WDR76: variants seen among roughly 807,000 people sequenced by gnomAD.
WDR76 encodes the protein WD repeat domain 76, also known as WD repeat-containing protein 76.
Under a neutral mutation model 70.2 loss-of-function variants are expected in WDR76, and 52 were observed. The ratio of observed to expected loss-of-function variants is 0.74; its 90% CI spans 0.59 to 0.93. WDR76 has a LOEUF of 0.93. Ranked by LOEUF, WDR76 falls within the 40% of genes least tolerant of loss-of-function variation. The pLI, the probability that WDR76 is intolerant of heterozygous loss-of-function variation, is 0.00. For synonymous variants in WDR76, 292 were observed against 271.1 expected (o/e 1.08, Z -0.76); for missense variants, 756 against 760.2 (o/e 0.99, Z 0.07).
chr15:43,864,599 T>C (rs964761898), intron 12 of WDR76, among the ~76,000 whole-genome samples: 1 of 151,966 alleles, frequency 6.6e-6, no homozygotes, highest in East Asian at 1.9e-4. Flanking sequence ...TTATTTGTTT[T>C]CTTTTTTTTT....
intron 12 of WDR76, among the ~76,000 whole-genome samples, chr15:43,863,559 T>TA (rs68110552): frequency 3.0e-3 from 421 of 139,102 alleles, no homozygotes; most frequent in South Asian, 0.013. Flanking sequence ...CTCTCTTTTT[T>TA]AAAAAAAAAA....
chr15:43,858,031 C>G (rs2087951456), intron 10 of WDR76, among the ~76,000 whole-genome samples: 1 of 136,698 alleles, frequency 7.3e-6, no homozygotes. Context: ...CTCCCAGGTT[C>G]AAGCGATTCT....
chr15:43,857,704 C>T (rs1386134450), intron 10 of WDR76: 1 of 174,094 alleles, frequency 5.7e-6, no homozygotes, highest in Non-Finnish European at 1.1e-5. Context: ...CCTGTAATCC[C>T]AGGTACTTGG....
At chr15:43,838,112 A>G (rs773035943) in intron 4 of WDR76, among the ~76,000 whole-genome samples, 3 of 152,080 alleles carry the variant, frequency 2.0e-5, no homozygotes, top group Non-Finnish European at 4.4e-5. Context: ...TGACCTCGTG[A>G]TCCGCCTGCC....
intron 8 of WDR76, among the ~76,000 whole-genome samples, chr15:43,846,515 C>T (rs1050347663): frequency 6.7e-6 from 1 of 148,976 alleles, no homozygotes; most frequent in African/African-American, 2.4e-5. Context: ...AACTCCTGAG[C>T]TCAAGCACTC....
intron 9 of WDR76, among the ~76,000 whole-genome samples, chr15:43,853,000 T>G (rs2087881565): frequency 6.6e-6 from 1 of 152,174 alleles, no homozygotes. Context: ...GCAATTCTCC[T>G]GCCTCATCCT....
intron 2 of WDR76, among the ~76,000 whole-genome samples, chr15:43,829,302 C>T (rs999064141): frequency 6.6e-6 from 1 of 151,994 alleles, no homozygotes; most frequent in Non-Finnish European, 1.5e-5. Context: ...TAGCACATGA[C>T]ACAATGTTGA....
Position 43,842,521 on chromosome 15 carries a change from C to T in WDR76, c.834+5C>T, listed in dbSNP as rs746079722. Reference sequence around the variant, plus strand: ...ACATGGGCAGGAATGAGCAAGGTATCACTTGGGAAGGCCAATAGCCTTTAG... The same window carrying T: ...ACATGGGCAGGAATGAGCAAGGTATTACTTGGGAAGGCCAATAGCCTTTAG... On this transcript the variant is annotated splice_donor_5th_base_variant and intron_variant, in intron 6 of 12. Coordinates refer to ENST00000263795, the MANE Select transcript of WDR76 (RefSeq NM_024908.4). The T allele has an allele frequency of 6.2e-7, 1 of 1,613,100 alleles. No individual in the cohort carries two copies. The highest frequency in any genetic ancestry group is 1.3e-5 in the African/African-American group (1 of 74,892).
Position 43,866,246 on chromosome 15 carries a change from G to C in WDR76, c.1735G>C (p.Glu579Gln). The change falls in exon 13 of 13, where the codon GAG (glutamate) becomes CAG (glutamine). Residue 579 changes from glutamate to glutamine, a missense_variant. Physicochemically the swap from Glu to Gln is conservative, Grantham distance 29. Transcript: ENST00000263795. ...AHPRRVEIFH[E>Q]TGKRVHSFGG... is the part of the protein sequence containing the mutation. ...TCCACGACGGGTAGAAATCTTCCAT[G>C]AGACAGGAAAGAGGGTGCATTCGTT... 6.2e-7 allele frequency: 1 copy of C among 1,614,192 alleles called. No individual in the cohort carries two copies.
At chr15:43,831,883 G>A (rs1009745198) in intron 2 of WDR76, among the ~76,000 whole-genome samples, 1 of 151,846 alleles carries the variant, frequency 6.6e-6, no homozygotes, top group Non-Finnish European at 1.5e-5. Context: ...GCCCAGGCTG[G>A]AATGTAGTGG....
intron 8 of WDR76, among the ~76,000 whole-genome samples, chr15:43,848,357 A>AT (rs2087814496): frequency 6.6e-6 from 1 of 152,254 alleles, no homozygotes; most frequent in Non-Finnish European, 1.5e-5. Context: ...AGGAGACAGC[A>AT]TAATTTAGCT....
rs1409123377 is a variant in WDR76 at position 43,867,317 on chromosome 15, G to A, written c.*925G>A. The A allele has an allele frequency of 6.6e-6, 1 of 152,054 alleles. No homozygotes were observed. The highest frequency in any genetic ancestry group is 1.5e-5 in the Non-Finnish European group (1 of 68,016). The allele number at this position is 152,054 out of a possible 1,614,324, so 9.4% of individuals were successfully genotyped here. On this transcript the variant is annotated 3_prime_UTR_variant, in exon 13 of 13. Coordinates refer to ENST00000263795, the MANE Select transcript of WDR76 (RefSeq NM_024908.4). ...GGCAGGACTCCCAAGCACCGGGTTG[G>A]GATCTGCCCTGGTCCCGGCATTCCA...
In WDR76 at chr15:43,827,019, T is replaced by C. The variant is rs757704247; in HGVS notation, c.-14T>C. 4 of 1,613,326 alleles carry C rather than the reference T, an allele frequency of 2.5e-6. No homozygotes were observed. Among genetic ancestry groups the C allele is most frequent in the Non-Finnish European group, 2.5e-6 (3 of 1,179,920 alleles). On this transcript the variant is annotated 5_prime_UTR_variant, in exon 1 of 13. Coordinates refer to ENST00000263795, the MANE Select transcript of WDR76 (RefSeq NM_024908.4). ...ATCTTGGCGGGAAGGCGCCGGCCGC[T>C]AAGAAGCCGAAAGATGTCCAGGTCG...
At chr15:43,863,367 T>G (rs989354395) in intron 12 of WDR76, among the ~76,000 whole-genome samples, 12 of 152,176 alleles carry the variant, frequency 7.9e-5, no homozygotes, top group Non-Finnish European at 1.5e-4. Context: ...ACCATTTTTT[T>G]GTGATGAGAA....
At position 43,857,170 on chromosome 15, in the gene WDR76, T is replaced by C. The variant is rs927844771; in HGVS notation, c.1409+7T>C. The stretch of plus-strand genomic sequence containing the variant: ...TTATCACTGCCGGATTGAGGTATGG[T>C]CTTTATAAGACTTTATGACTTAGAC... On this transcript the variant is annotated splice_region_variant and intron_variant, in intron 10 of 12. Coordinates refer to ENST00000263795, the MANE Select transcript of WDR76 (RefSeq NM_024908.4). 3 of 1,609,222 alleles carry C rather than the reference T, an allele frequency of 1.9e-6. No homozygotes were observed. Among genetic ancestry groups the C allele is most frequent in the South Asian group, 1.1e-5 (1 of 90,244 alleles).
intron 5 of WDR76, among the ~76,000 whole-genome samples, chr15:43,840,529 C>T (rs985512939): frequency 5.3e-5 from 8 of 152,216 alleles, no homozygotes; most frequent in Non-Finnish European, 1.0e-4. Context: ...TATTCAAGAA[C>T]ACCTATTTTT....
At chr15:43,847,188 T>A (rs1029689177) in intron 8 of WDR76, among the ~76,000 whole-genome samples, 44 of 152,128 alleles carry the variant, frequency 2.9e-4, no homozygotes, top group African/African-American at 9.4e-4. Flanking sequence ...CCAGTTTTTT[T>A]AAAAAATGGC....
rs4923967 is a variant in WDR76 at position 43,843,690 on chromosome 15, C to T, written c.879-211C>T. Among the ~76,000 whole-genome samples, 602 of 152,222 alleles carry T rather than the reference C, an allele frequency of 4.0e-3. 3 individuals carry two copies. The highest frequency in any genetic ancestry group is 0.017 in the Middle Eastern group (5 of 294). The stretch of plus-strand genomic sequence containing the variant: ...ATGTGTGAGTATGTGTATTTAACTG[C>T]AGCCTACCAGCTTTTGGTGTTATTA... On this transcript the variant is annotated intron_variant, in intron 7 of 12. Coordinates refer to ENST00000263795, the MANE Select transcript of WDR76 (RefSeq NM_024908.4).
chr15:43,857,509 A>G (rs1034330514), intron 10 of WDR76: 1 of 985,312 alleles, frequency 1.0e-6, no homozygotes, highest in African/African-American at 1.7e-5. Flanking sequence ...TTTTCTAGGA[A>G]GGATTGAAAA....
Sources: allele counts gnomAD v4.1 joint callset (sites outside exome capture counted in the v4.1 genomes callset), GRCh38; gene constraint gnomAD v4.1.1; transcripts MANE v1.5; gene names NCBI Gene and HGNC (gene_info 2026-07-23, HGNC 2026-07-21).